The following ZNF423 variants were observed in gnomAD, a reference collection of about 807,000 sequenced individuals.
ZNF423 encodes Ebf-associated zinc finger protein.
ZNF423 carries 12 observed loss-of-function variants against 95.8 expected under a neutral mutation model. The observed-to-expected ratio is 0.13, with a 90% CI of 0.08 to 0.20. ZNF423 has a LOEUF of 0.20. ZNF423 is among the 10% of genes least tolerant of loss of function. The probability of loss-of-function intolerance (pLI) is 1.00; values close to 1 mark genes in which losing one functional copy is unlikely to be tolerated. For missense variants in ZNF423, 1,316 were observed against 1,737.1 expected (o/e 0.76, Z 4.31); for synonymous variants, 749 against 711.9 (o/e 1.05, Z -0.83).
chr16:49,655,870 G>C, intron 3 of ZNF423, among the ~76,000 whole-genome samples: 1 of 152,238 alleles, frequency 6.6e-6, no homozygotes, highest in Middle Eastern at 3.4e-3. Context: ...ACAAACCCAC[G>C]CAGTCATTCC....
intron 7 of ZNF423, among the ~76,000 whole-genome samples, chr16:49,514,561 G>A (rs1296693837): frequency 6.6e-6 from 1 of 152,166 alleles, no homozygotes; most frequent in East Asian, 1.9e-4. Context: ...CCCTCTGGCC[G>A]GGTACCAGGA....
chr16:49,828,067 T>C (rs1032671229), intron 1 of ZNF423, among the ~76,000 whole-genome samples: 2 of 152,196 alleles, frequency 1.3e-5, no homozygotes, highest in African/African-American at 4.8e-5. Context: ...TTTCACGAAA[T>C]TCACAGTGGC....
chr16:49,784,704 C>A (rs11640615), intron 2 of ZNF423, among the ~76,000 whole-genome samples: 1 of 152,016 alleles, frequency 6.6e-6, no homozygotes, highest in African/African-American at 2.4e-5. Context: ...AATCCCAGTA[C>A]TTTGGGAGGC....
intron 4 of ZNF423, among the ~76,000 whole-genome samples, chr16:49,628,249 A>G (rs557927131): frequency 7.5e-6 from 1 of 133,266 alleles, no homozygotes; most frequent in Non-Finnish European, 1.6e-5. Flanking sequence ...ATCCACCCAT[A>G]CTCCATCTAC....
intron 5 of ZNF423, among the ~76,000 whole-genome samples, chr16:49,589,568 C>T (rs2151814253): frequency 6.6e-6 from 1 of 151,926 alleles, no homozygotes; most frequent in South Asian, 2.1e-4. Flanking sequence ...ACCTTTTGTT[C>T]TTCTGGGGCT....
At chr16:49,528,547 G>A (rs1258606809) in intron 5 of ZNF423, among the ~76,000 whole-genome samples, 1 of 152,104 alleles carries the variant, frequency 6.6e-6, no homozygotes, top group African/African-American at 2.4e-5. Context: ...AAGAGGGGAG[G>A]AGAAATAAAA....
At chr16:49,822,547 C>G (rs763376669) in intron 1 of ZNF423, 7 of 682,404 alleles carry the variant, frequency 1.0e-5, no homozygotes, top group Non-Finnish European at 1.6e-5. Context: ...CCAGGCAAGG[C>G]CCCTAGCTGA....
intron 1 of ZNF423, among the ~76,000 whole-genome samples, chr16:49,825,955 A>G (rs1181896190): frequency 6.6e-6 from 1 of 152,206 alleles, no homozygotes; most frequent in Non-Finnish European, 1.5e-5. Context: ...TCACGCCTAT[A>G]ATCCCATTAC....
At chr16:49,552,761 G>T (rs181179011) in intron 5 of ZNF423, among the ~76,000 whole-genome samples, 1 of 152,158 alleles carries the variant, frequency 6.6e-6, no homozygotes, top group African/African-American at 2.4e-5. Context: ...CTCACACAGG[G>T]TCCTGCCTGG....
chr16:49,797,500 C>G (rs2034516903), intron 1 of ZNF423, among the ~76,000 whole-genome samples: 1 of 152,182 alleles, frequency 6.6e-6, no homozygotes, highest in Non-Finnish European at 1.5e-5. Context: ...GCAGACAAAC[C>G]CAACGAGGAA....
intron 2 of ZNF423, among the ~76,000 whole-genome samples, chr16:49,757,896 C>G (rs1009826141): frequency 6.6e-6 from 1 of 152,136 alleles, no homozygotes; most frequent in South Asian, 2.1e-4. Context: ...TCCCCTGACC[C>G]GCCCTCGGCT....
intron 5 of ZNF423, among the ~76,000 whole-genome samples, chr16:49,551,983 C>T (rs1361423998): frequency 6.6e-6 from 1 of 152,198 alleles, no homozygotes; most frequent in Non-Finnish European, 1.5e-5. Context: ...CACTCATGCG[C>T]TTTGTCATTA....
At chr16:49,776,051 G>C (rs2034114039) in intron 2 of ZNF423, among the ~76,000 whole-genome samples, 2 of 152,268 alleles carry the variant, frequency 1.3e-5, no homozygotes, top group Non-Finnish European at 2.9e-5. Context: ...GAACACAGAG[G>C]CTTGGGCCAT....
At chr16:49,815,870 CAA>C (rs1168729871) in intron 1 of ZNF423, among the ~76,000 whole-genome samples, 1,757 of 39,246 alleles carry the variant, frequency 0.045, 38 homozygotes, top group South Asian at 0.073. Flanking sequence ...TCCAAACAAA[CAA>C]AAAAAAAAAA....
At chr16:49,571,060 C>T (rs568153071) in intron 5 of ZNF423, among the ~76,000 whole-genome samples, 1 of 152,348 alleles carries the variant, frequency 6.6e-6, no homozygotes, top group South Asian at 2.1e-4. Flanking sequence ...CTGGAAGAGT[C>T]ATTGGCCAGG....
chr16:49,498,564 G>A (rs929243293), intron 7 of ZNF423, among the ~76,000 whole-genome samples: 1 of 152,182 alleles, frequency 6.6e-6, no homozygotes, highest in African/African-American at 2.4e-5. Context: ...TGGAGTTACA[G>A]GAGAGGCAAG....
intron 2 of ZNF423, among the ~76,000 whole-genome samples, chr16:49,748,523 C>T (rs971442274): frequency 1.3e-5 from 2 of 152,122 alleles, no homozygotes; most frequent in South Asian, 2.1e-4. Context: ...CAGGAGTGCA[C>T]ATCGAACGGA....
At chr16:49,720,081 T>C (rs759020624) in intron 3 of ZNF423, among the ~76,000 whole-genome samples, 1 of 152,138 alleles carries the variant, frequency 6.6e-6, no homozygotes, top group East Asian at 1.9e-4. Flanking sequence ...TTACCCCACC[T>C]TCCACCTCCC....
At chr16:49,723,277 C>T (rs2032919619) in intron 3 of ZNF423, among the ~76,000 whole-genome samples, 1 of 152,096 alleles carries the variant, frequency 6.6e-6, no homozygotes, top group South Asian at 2.1e-4. Flanking sequence ...CCATTTCTGT[C>T]CATTTCTGTA....
Sources: gnomAD v4.1 joint callset for allele counts (sites outside exome capture counted in the v4.1 genomes callset) on GRCh38, gnomAD v4.1.1 for gene constraint, MANE v1.5 for transcripts, NCBI Gene and HGNC (gene_info 2026-07-23, HGNC 2026-07-21) for gene names.